Variants in CLVS2 observed in about 807,000 individuals in gnomAD.
The protein encoded by CLVS2 is clavesin-2.
Under a neutral mutation model 29.0 loss-of-function variants are expected in CLVS2, and 19 were observed. That is an observed-to-expected ratio of 0.66 (90% CI 0.46 to 0.96). The LOEUF is 0.96. Ranked by LOEUF, CLVS2 falls within the 40% of genes least tolerant of loss-of-function variation. The pLI, the probability that CLVS2 is intolerant of heterozygous loss-of-function variation, is 0.00. For synonymous variants in CLVS2, 161 were observed against 151.3 expected, an observed-to-expected ratio of 1.06 and a Z score of -0.47; for missense variants, 294 against 404.1, an observed-to-expected ratio of 0.73 and a Z score of 2.34.
chr6:123,010,714 A>G (rs934914480), intron 2 of CLVS2, among the ~76,000 whole-genome samples: 1 of 152,092 alleles, frequency 6.6e-6, no homozygotes, highest in Non-Finnish European at 1.5e-5. Flanking sequence ...GAGATTTTAG[A>G]AAATCAAAAG....
chr6:123,032,586 T>C (rs1775097676), intron 3 of CLVS2, among the ~76,000 whole-genome samples: 1 of 152,098 alleles, frequency 6.6e-6, no homozygotes, highest in African/African-American at 2.4e-5. Flanking sequence ...TTTTTTAACC[T>C]AAACAAAGAA....
intron 3 of CLVS2, among the ~76,000 whole-genome samples, chr6:123,037,438 A>C (rs80018958): frequency 6.6e-6 from 1 of 152,198 alleles, no homozygotes; most frequent in South Asian, 2.1e-4. Flanking sequence ...GACATCTCCA[A>C]CTTCACTTTC....
intron 3 of CLVS2, among the ~76,000 whole-genome samples, chr6:123,044,046 G>A (rs1775272642): frequency 6.6e-6 from 1 of 152,182 alleles, no homozygotes; most frequent in South Asian, 2.1e-4. Context: ...ATTGAGGCAA[G>A]TCAGTCTTTG....
intron 4 of CLVS2, among the ~76,000 whole-genome samples, chr6:123,055,046 G>A (rs1363301842): frequency 6.6e-6 from 1 of 152,024 alleles, no homozygotes; most frequent in Non-Finnish European, 1.5e-5. Context: ...TTCCATTTAG[G>A]AAAAATGAGG....
rs890314029 is a variant in CLVS2 at position 122,996,453 on chromosome 6, C to T, written c.-853C>T. Reference sequence around the variant, plus strand: ...CGCGTCCTCCTCCCCACCTTCTCTCCCGAAGGCGAAAATGGCAGGGCCAGG... The same window carrying T: ...CGCGTCCTCCTCCCCACCTTCTCTCTCGAAGGCGAAAATGGCAGGGCCAGG... On this transcript the variant is annotated 5_prime_UTR_variant, in exon 1 of 6. Transcript: ENST00000275162. 6 of 152,888 alleles carry T rather than the reference C, an allele frequency of 3.9e-5. No homozygotes were observed. The highest frequency in any genetic ancestry group is 1.4e-4 in the African/African-American group (6 of 41,480). 9.5% of individuals were successfully genotyped at this position (152,888 alleles called of 1,614,324 possible).
At chr6:123,000,698 C>T (rs1424635283) in intron 2 of CLVS2, among the ~76,000 whole-genome samples, 3 of 152,164 alleles carry the variant, frequency 2.0e-5, no homozygotes, top group Non-Finnish European at 4.4e-5. Context: ...ATGTTCTCAC[C>T]TTCCAGGCCC....
chr6:123,043,548 C>G (rs1775264710), intron 3 of CLVS2, among the ~76,000 whole-genome samples: 1 of 152,074 alleles, frequency 6.6e-6, no homozygotes, highest in Non-Finnish European at 1.5e-5. Flanking sequence ...ATTTTAAAGG[C>G]TGATAGATTT....
intron 4 of CLVS2, among the ~76,000 whole-genome samples, chr6:123,052,379 G>C (rs1772624347): frequency 6.6e-6 from 1 of 152,122 alleles, no homozygotes; most frequent in African/African-American, 2.4e-5. Flanking sequence ...AAGGAGATGG[G>C]TTCAAAGAAG....
chr6:123,029,910 T>C (rs893857324), intron 3 of CLVS2, among the ~76,000 whole-genome samples: 1 of 152,188 alleles, frequency 6.6e-6, no homozygotes, highest in Non-Finnish European at 1.5e-5. Context: ...GCAGTTTTTG[T>C]CAAGAGCATG....
At chr6:123,041,230 T>A (rs1022440575) in intron 3 of CLVS2, among the ~76,000 whole-genome samples, 2 of 152,028 alleles carry the variant, frequency 1.3e-5, no homozygotes, top group African/African-American at 4.8e-5. Context: ...TCATCTTGAG[T>A]AGAAGTTGAA....
intron 3 of CLVS2, among the ~76,000 whole-genome samples, chr6:123,024,081 A>T (rs915475954): frequency 6.6e-6 from 1 of 152,146 alleles, no homozygotes; most frequent in Non-Finnish European, 1.5e-5. Flanking sequence ...AATCAGCCAA[A>T]CCTGGCACAT....
chr6:123,034,770 T>C (rs1373207079), intron 3 of CLVS2, among the ~76,000 whole-genome samples: 8 of 152,122 alleles, frequency 5.3e-5, no homozygotes. Flanking sequence ...ATTGTACCAC[T>C]GTCAATTTCC....
chr6:122,998,071 G>A lies in CLVS2; in HGVS notation c.294G>A (p.Gln98=), dbSNP rs750882766. The A allele has an allele frequency of 6.2e-7, 1 of 1,614,178 alleles. No homozygotes were observed. The change falls in exon 2 of 6, where the codon CAG becomes CAA. Residue 98 remains glutamine, a synonymous_variant. Coordinates refer to ENST00000275162, the MANE Select transcript of CLVS2 (RefSeq NM_001010852.4). ...SFKATDPGIK[Q]ALKDGFPGGL... is the part of the protein sequence containing the mutation. Reference sequence around the variant, plus strand: ...AGGCCACCGACCCTGGCATCAAGCAGGCACTGAAGGATGGCTTCCCTGGGG... The same window carrying A: ...AGGCCACCGACCCTGGCATCAAGCAAGCACTGAAGGATGGCTTCCCTGGGG...
chr6:123,058,854 C>T (rs761494747), intron 5 of CLVS2, among the ~76,000 whole-genome samples: 4 of 152,088 alleles, frequency 2.6e-5, no homozygotes, highest in Non-Finnish European at 5.9e-5. Context: ...GACCAGGTCT[C>T]ACTATGTTGC....
intron 3 of CLVS2, among the ~76,000 whole-genome samples, chr6:123,030,597 TGCA>T (rs796600138): frequency 9.7e-4 from 147 of 152,268 alleles, no homozygotes; most frequent in African/African-American, 3.4e-3. Flanking sequence ...AACTGGACTT[TGCA>T]GTCCAGGTAA....
chr6:123,050,578 C>T (rs1354313005), intron 4 of CLVS2, among the ~76,000 whole-genome samples: 2 of 151,918 alleles, frequency 1.3e-5, no homozygotes, highest in Non-Finnish European at 2.9e-5. Flanking sequence ...AGAAACACAC[C>T]TAGTGTATTT....
rs1554203184 is a variant in CLVS2, at chr6:123,049,814, G to GGA, written c.675+1084_675+1085dup. 2.7e-4 allele frequency among the ~76,000 whole-genome samples: 41 copies of GGA among 150,398 alleles called. 1 individual carries two copies. Among genetic ancestry groups the GGA allele is most frequent in the Middle Eastern group, 3.2e-3 (1 of 314 alleles). On this transcript the variant is annotated intron_variant, in intron 4 of 5. Coordinates refer to ENST00000275162, the MANE Select transcript of CLVS2 (RefSeq NM_001010852.4). ...GGGCCTGTTGTGGGATGGGGGGCGG[G>GGA]GAGGAATAGCATTAGGAGATATACC...
At chr6:123,037,551 G>T (rs547908130) in intron 3 of CLVS2, among the ~76,000 whole-genome samples, 1 of 151,982 alleles carries the variant, frequency 6.6e-6, no homozygotes, top group Non-Finnish European at 1.5e-5. Context: ...TAAGAAATGT[G>T]CACCAAAGAC....
chr6:123,005,055 C>T (rs1030833106), intron 2 of CLVS2, among the ~76,000 whole-genome samples: 1 of 151,880 alleles, frequency 6.6e-6, no homozygotes, highest in East Asian at 1.9e-4. Context: ...AAAGATTTGG[C>T]TTTGAATCTA....
Sources: gnomAD v4.1 joint callset for allele counts (sites outside exome capture counted in the v4.1 genomes callset) on GRCh38, gnomAD v4.1.1 for gene constraint, MANE v1.5 for transcripts, NCBI Gene and HGNC (gene_info 2026-07-23, HGNC 2026-07-21) for gene names.